Variants in ZNF597 observed in about 807,000 individuals in gnomAD.
ZNF597 encodes the protein zinc finger protein 597.
In ZNF597, 5 loss-of-function variants were observed where a neutral mutation model predicts 7.3. The ratio of observed to expected loss-of-function variants is 0.68; its 90% CI spans 0.36 to 1.44. The LOEUF is 1.44. ZNF597 is among the 40% of genes most tolerant of loss of function. The pLI, the probability that ZNF597 is intolerant of heterozygous loss-of-function variation, is 0.04. For missense variants in ZNF597, 585 were observed against 517.9 expected (o/e 1.13, Z -1.26); for synonymous variants, 209 against 185.4 (o/e 1.13, Z -1.04).
Position 3,437,035 on chromosome 16 carries a change from GA to G in ZNF597, c.663del (p.Arg222AlafsTer10). On this transcript the variant is annotated frameshift_variant, in exon 4 of 4. Coordinates refer to ENST00000301744, the MANE Select transcript of ZNF597 (RefSeq NM_152457.3). LOFTEE classifies it low-confidence loss of function (END_TRUNC). The stretch of plus-strand genomic sequence containing the variant: ...TGTCGGGATAGATGAGAGTGCTGGC[GA>G]AAGCTGGCACTGCACTTGGCACACT... The part of the protein sequence containing the change: ...PYKCAKCSAS[F>X]RQHSHLSRHM... 6.2e-7 allele frequency: 1 copy of G among 1,614,130 alleles called. No individual in the cohort carries two copies. Among genetic ancestry groups the G allele is most frequent in the Non-Finnish European group, 8.5e-7 (1 of 1,180,018 alleles).
Position 3,443,125 on chromosome 16 carries a change from G to A in ZNF597, c.29C>T (p.Ala10Val), listed in dbSNP as rs776560887. 9 of 1,614,116 alleles carry A rather than the reference G, an allele frequency of 5.6e-6. No individual in the cohort carries two copies. The South Asian group carries it at 9.9e-5, about 18-fold the overall frequency. ...GAAAAAGGTACCTCGACTCACCTGG[G>A]CCTCGGGCGTCGGGGGCATGGACGC... MASMPPTPEAQGPILFEDLA... is the reference protein window; with the variant it reads MASMPPTPEVQGPILFEDLA... Residue 10 changes from alanine to valine, a missense_variant, in exon 2 of 4, where the codon GCC (alanine) becomes GTC (valine). Physicochemically the swap from Ala to Val is moderately conservative, Grantham distance 64. Transcript: ENST00000301744.
intron 2 of ZNF597, 147 bp downstream of exon 2, chr16:3,442,974 G>C (rs1596270348): frequency 2.2e-6 from 2 of 918,864 alleles, no homozygotes; most frequent in East Asian, 5.1e-5. Context: ...GTGTGGTCTT[G>C]GAACGAAGAA....
chr16:3,441,647 T>C (rs937869210), intron 2 of ZNF597, among the ~76,000 whole-genome samples: 5 of 151,854 alleles, frequency 3.3e-5, no homozygotes, highest in Admixed American at 1.3e-4. Context: ...GATTGCACCA[T>C]TGCACTCCAG....
intron 3 of ZNF597, among the ~76,000 whole-genome samples, chr16:3,438,649 C>G (rs568705671): frequency 1.3e-5 from 2 of 151,884 alleles, no homozygotes; most frequent in African/African-American, 4.8e-5. Flanking sequence ...AAGAAACACA[C>G]GGGTTATCAG....
chr16:3,438,762 C>T (rs747086482), intron 3 of ZNF597, among the ~76,000 whole-genome samples: 5 of 152,112 alleles, frequency 3.3e-5, no homozygotes, highest in Non-Finnish European at 7.3e-5. Flanking sequence ...AAATAACAGC[C>T]AATCTACTTA....
chr16:3,438,471 G>A (rs946951439), intron 3 of ZNF597, among the ~76,000 whole-genome samples: 1 of 151,842 alleles, frequency 6.6e-6, no homozygotes, highest in African/African-American at 2.4e-5. Flanking sequence ...GCTGAGGCAG[G>A]AGAATGGCGT....
In ZNF597 at chr16:3,436,463, GA is replaced by G; in HGVS notation, c.1235del (p.Leu412ProfsTer9). On this transcript the variant is annotated frameshift_variant, in exon 4 of 4. Transcript: ENST00000301744. LOFTEE classifies it high-confidence loss of function. ...TTATGTGAGTTCGCTTATGAGTAAT[GA>G]GATGCAAATTCGACTTGAAAGTTTT... ...CGKTFKSNLH[L>X]ITHKRTHIKN... 1 of 1,614,170 alleles carries G rather than the reference GA, an allele frequency of 6.2e-7. No homozygotes were observed. Among genetic ancestry groups the G allele is most frequent in the Non-Finnish European group, 8.5e-7 (1 of 1,180,022 alleles).
rs1341212964 is a variant in ZNF597, at chr16:3,433,206, C to T, written c.*3218G>A. The T allele has an allele frequency of 1.3e-5, 2 of 152,218 alleles. No individual in the cohort carries two copies. The highest frequency in any genetic ancestry group is 4.8e-5 in the African/African-American group (2 of 41,462). The allele number at this position is 152,218 out of a possible 1,614,324, so 9.4% of individuals were successfully genotyped here. ...TGTAGCAACAAAGCTCTAAATAAAA[C>T]TATTCTGAGTCGACCTCATTCAAAA... is the stretch of plus-strand genomic sequence containing the variant. On this transcript the variant is annotated 3_prime_UTR_variant, in exon 4 of 4. Transcript: ENST00000301744.
rs374034920 is a variant in ZNF597, at chr16:3,433,533, A to G, written c.*2891T>C. ...AATAAACTCTTGCATTTAGTTTTTC[A>G]TTCCCATATTAACTTTTATCCAGTA... On this transcript the variant is annotated 3_prime_UTR_variant, in exon 4 of 4. Transcript: ENST00000301744. The G allele has an allele frequency of 4.4e-4, 67 of 152,354 alleles. 1 individual carries two copies. Among genetic ancestry groups the G allele is most frequent in the African/African-American group, 1.4e-3 (60 of 41,588 alleles). 9.4% of individuals were successfully genotyped at this position (152,354 alleles called of 1,614,324 possible).
At position 3,437,345 on chromosome 16, in the gene ZNF597, G is replaced by A; in HGVS notation, c.354C>T (p.Ser118=). 6.2e-7 allele frequency: 1 copy of A among 1,614,112 alleles called. No homozygotes were observed. Among genetic ancestry groups the A allele is most frequent in the Non-Finnish European group, 8.5e-7 (1 of 1,180,024 alleles). Residue 118 remains serine, a synonymous_variant, in exon 4 of 4, where the codon AGC becomes AGT. Transcript: ENST00000301744. The stretch of plus-strand genomic sequence containing the variant: ...TGTGGTTTTCAATGGTAACTAAAAG[G>A]CTGATGACCCTTCTCTTGTAAGTGG... ...GTPTYKRRVI[S]LLVTIENHTP...
In ZNF597 at chr16:3,432,645, T is replaced by C. The variant is rs2034266883; in HGVS notation, c.*3779A>G. The C allele has an allele frequency of 6.6e-6, 1 of 152,206 alleles. No individual in the cohort carries two copies. The highest frequency in any genetic ancestry group is 2.4e-5 in the African/African-American group (1 of 41,458). 9.4% of individuals were successfully genotyped at this position (152,206 alleles called of 1,614,324 possible). ...ACGTTTACACAGAAGAATATTTATATTGTATTCCCCCCCTACAGACTTAAT... is the reference window on the plus strand; with the variant it reads ...ACGTTTACACAGAAGAATATTTATACTGTATTCCCCCCCTACAGACTTAAT... On this transcript the variant is annotated 3_prime_UTR_variant, in exon 4 of 4. Coordinates refer to ENST00000301744, the MANE Select transcript of ZNF597 (RefSeq NM_152457.3).
intron 3 of ZNF597, among the ~76,000 whole-genome samples, chr16:3,440,100 C>G (rs1351079821): frequency 6.6e-6 from 1 of 152,128 alleles, no homozygotes; most frequent in East Asian, 1.9e-4. Context: ...CAATCCTAGT[C>G]AGAAATAAAA....
rs773347454 is a variant in ZNF597, at chr16:3,436,201, T to G, written c.*223A>C. 18 of 555,830 alleles carry G rather than the reference T, an allele frequency of 3.2e-5. No individual in the cohort carries two copies. Among genetic ancestry groups the G allele is most frequent in the Non-Finnish European group, 4.4e-5 (14 of 316,878 alleles). 34.4% of individuals were successfully genotyped at this position (555,830 alleles called of 1,614,324 possible). A position where few individuals can be genotyped will look rare whatever the true frequency, so the allele number is the denominator to read the frequency against. On this transcript the variant is annotated 3_prime_UTR_variant, in exon 4 of 4. Transcript: ENST00000301744. ...GGCTCACAGTTGTACAGTAACTGAG[T>G]TCAAATCCTGGGTTCATTCACTAGT...
rs576396313 is a variant in ZNF597 at position 3,433,518 on chromosome 16, T to C, written c.*2906A>G. ...CCAATCATTCATAGCAATAAACTCTTGCATTTAGTTTTTCATTCCCATATT... is the reference window on the plus strand; with the variant it reads ...CCAATCATTCATAGCAATAAACTCTCGCATTTAGTTTTTCATTCCCATATT... On this transcript the variant is annotated 3_prime_UTR_variant, in exon 4 of 4. Coordinates refer to ENST00000301744, the MANE Select transcript of ZNF597 (RefSeq NM_152457.3). 5.3e-5 allele frequency: 8 copies of C among 152,368 alleles called. No homozygotes were observed. The highest frequency in any genetic ancestry group is 1.9e-4 in the African/African-American group (8 of 41,592). 9.4% of individuals were successfully genotyped at this position (152,368 alleles called of 1,614,324 possible).
At chr16:3,440,674 C>T (rs1009997297) in intron 3 of ZNF597, 133 bp downstream of exon 3, 71 of 1,186,604 alleles carry the variant, frequency 6.0e-5, no homozygotes, top group Non-Finnish European at 8.0e-5. Flanking sequence ...CTTTTTCTCT[C>T]ACACAATTAT....
In ZNF597 at chr16:3,433,121, C is replaced by T. The variant is rs150936803; in HGVS notation, c.*3303G>A. 3.0e-4 allele frequency: 45 copies of T among 152,270 alleles called. No homozygotes were observed. Among genetic ancestry groups the T allele is most frequent in the African/African-American group, 1.1e-3 (44 of 41,546 alleles). The allele number at this position is 152,270 out of a possible 1,614,324, so 9.4% of individuals were successfully genotyped here. A position where few individuals can be genotyped will look rare whatever the true frequency, so the allele number is the denominator to read the frequency against. On this transcript the variant is annotated 3_prime_UTR_variant, in exon 4 of 4. Transcript: ENST00000301744. ...GAAATGTCATTTGAGTTTTAACTCCCTGAATTATTGGGTTAGTCATTTTCT... is the reference window on the plus strand; with the variant it reads ...GAAATGTCATTTGAGTTTTAACTCCTTGAATTATTGGGTTAGTCATTTTCT...
At chr16:3,439,766 C>T (rs1215577647) in intron 3 of ZNF597, among the ~76,000 whole-genome samples, 1 of 151,920 alleles carries the variant, frequency 6.6e-6, no homozygotes, top group African/African-American at 2.4e-5. Flanking sequence ...AACATCCGAC[C>T]AAAATTTACC....
At chr16:3,443,296 C>T (rs576894388) in intron 1 of ZNF597, 64 bp downstream of exon 1, 5 of 810,538 alleles carry the variant, frequency 6.2e-6, no homozygotes, top group South Asian at 5.7e-5. Context: ...CCTCCGAACC[C>T]CCCCTTAAAA....
rs60610314 is a variant in ZNF597 at position 3,434,573 on chromosome 16, A to AAG, written c.*1849_*1850dup. On this transcript the variant is annotated 3_prime_UTR_variant, in exon 4 of 4. Coordinates refer to ENST00000301744, the MANE Select transcript of ZNF597 (RefSeq NM_152457.3). Reference sequence around the variant, plus strand: ...AACAAGAAACAAGACAAGAATGACAAAGAGAGAGAAACTCTCTCTGGGTTA... The same window carrying AAG: ...AACAAGAAACAAGACAAGAATGACAAAGAGAGAGAGAAACTCTCTCTGGGTTA... 132,902 of 151,872 alleles carry AAG rather than the reference A, an allele frequency of 0.88. 58,174 individuals carry two copies. The highest frequency in any genetic ancestry group is 0.92 in the South Asian group (4,422 of 4,816). The allele number at this position is 151,872 out of a possible 1,614,324, so 9.4% of individuals were successfully genotyped here.
Sources: allele counts gnomAD v4.1 joint callset (sites outside exome capture counted in the v4.1 genomes callset), GRCh38; gene constraint gnomAD v4.1.1; transcripts MANE v1.5; gene names NCBI Gene and HGNC (gene_info 2026-07-23, HGNC 2026-07-21).